MCTP2: variants seen among roughly 807,000 people sequenced by gnomAD.
MCTP2 encodes the protein multiple C2 and transmembrane domain-containing protein 2.
MCTP2 carries 132 observed loss-of-function variants against 111.6 expected under a neutral mutation model. The ratio of observed to expected loss-of-function variants is 1.18; its 90% CI spans 1.03 to 1.37. The LOEUF (loss-of-function observed/expected upper bound fraction) is 1.37. Among genes scored for constraint, MCTP2 ranks in the 40% most tolerant of loss-of-function variants. MCTP2 has a pLI of 0.00. For missense variants in MCTP2, 1,183 were observed against 1,067.9 expected (o/e 1.11, Z -1.50); for synonymous variants, 395 against 387.7 (o/e 1.02, Z -0.22).
At chr15:94,257,587 T>G (rs2072892060) in intron 1 of MCTP2, among the ~76,000 whole-genome samples, 1 of 101,306 alleles carries the variant, frequency 9.9e-6, no homozygotes, top group Non-Finnish European at 2.0e-5. Context: ...TTTTTTTTTT[T>G]TTTTTTTTTT....
intron 4 of MCTP2, among the ~76,000 whole-genome samples, chr15:94,321,551 A>C (rs1039652371): frequency 2.0e-5 from 3 of 152,266 alleles, no homozygotes; most frequent in African/African-American, 7.2e-5. Flanking sequence ...CTCCCAGTAC[A>C]GAACTCATTG....
At chr15:94,313,059 C>T (rs886987371) in intron 2 of MCTP2, among the ~76,000 whole-genome samples, 8 of 152,186 alleles carry the variant, frequency 5.3e-5, no homozygotes, top group African/African-American at 1.9e-4. Flanking sequence ...GGCTGCCTCT[C>T]ATCTCCAAAT....
At chr15:94,376,330 C>T (rs926172042) in intron 12 of MCTP2, among the ~76,000 whole-genome samples, 2 of 152,162 alleles carry the variant, frequency 1.3e-5, no homozygotes, top group African/African-American at 4.8e-5. Flanking sequence ...ATGATTTATT[C>T]ACTGAAGATA....
At chr15:94,291,071 T>C (rs1381907126) in intron 1 of MCTP2, among the ~76,000 whole-genome samples, 1 of 152,242 alleles carries the variant, frequency 6.6e-6, no homozygotes, top group African/African-American at 2.4e-5. Flanking sequence ...CATAGTAGCA[T>C]ATACAGTCTT....
chr15:94,403,278 T>G, intron 17 of MCTP2: 1 of 981,952 alleles, frequency 1.0e-6, no homozygotes, highest in Non-Finnish European at 1.2e-6. Flanking sequence ...CGTCATTGTC[T>G]CAGCATTTGT....
chr15:94,408,212 CA>C (rs1365130807), intron 17 of MCTP2, among the ~76,000 whole-genome samples: 1 of 152,102 alleles, frequency 6.6e-6, no homozygotes, highest in African/African-American at 2.4e-5. Context: ...CATCGCTGCC[CA>C]TTTGCTAGGT....
At chr15:94,332,461 A>G (rs1293892809) in intron 4 of MCTP2, among the ~76,000 whole-genome samples, 3 of 152,196 alleles carry the variant, frequency 2.0e-5, no homozygotes, top group Admixed American at 2.0e-4. Context: ...AATTTAAAAT[A>G]TATACGTTTT....
intron 2 of MCTP2, among the ~76,000 whole-genome samples, chr15:94,300,408 G>T (rs2075549013): frequency 6.6e-6 from 1 of 151,530 alleles, no homozygotes; most frequent in Non-Finnish European, 1.5e-5. Flanking sequence ...TACTTGGGAG[G>T]CTGAGGCAGG....
chr15:94,478,850 C>G (rs983116757), intron 22 of MCTP2, 116 bp from the exon 23 acceptor site: 2 of 775,198 alleles, frequency 2.6e-6, no homozygotes, highest in Non-Finnish European at 4.5e-6. Context: ...GAAAATGATT[C>G]ATTACCTTTG....
chr15:94,431,821 A>G (rs2083198588), intron 17 of MCTP2, among the ~76,000 whole-genome samples: 1 of 152,142 alleles, frequency 6.6e-6, no homozygotes, highest in African/African-American at 2.4e-5. Context: ...ATGATTTTTC[A>G]TAAAGATGGT....
In MCTP2 at chr15:94,390,074, A is replaced by ATATG. The variant is rs1555464859; in HGVS notation, c.1788+4552_1788+4553insGTAT. ...CATATATATATATATATATATATAT[A>ATATG]TATATATATATATATGTATATATAT... is the stretch of plus-strand genomic sequence containing the variant. On this transcript the variant is annotated intron_variant, in intron 14 of 22. Transcript: ENST00000357742. Among the ~76,000 whole-genome samples the ATATG allele has an allele frequency of 9.8e-3, 254 of 25,834 alleles. 5 individuals are homozygous for ATATG. The highest frequency in any genetic ancestry group is 0.036 in the Middle Eastern group (1 of 28). The allele number at this position is 25,834 out of a possible 152,430, so 16.9% of individuals were successfully genotyped here.
chr15:94,274,852 A>G (rs528180127), intron 1 of MCTP2, among the ~76,000 whole-genome samples: 4 of 152,254 alleles, frequency 2.6e-5, no homozygotes, highest in South Asian at 2.1e-4. Context: ...TTCCAACTCT[A>G]TGGTTTCTAC....
At chr15:94,473,653 T>C (rs1180772549) in intron 21 of MCTP2, among the ~76,000 whole-genome samples, 1 of 152,220 alleles carries the variant, frequency 6.6e-6, no homozygotes, top group African/African-American at 2.4e-5. Flanking sequence ...AGGGTAGATA[T>C]TAATTCTCTA....
chr15:94,357,113 T>A (rs993296515), intron 9 of MCTP2, among the ~76,000 whole-genome samples: 5 of 152,138 alleles, frequency 3.3e-5, no homozygotes, highest in African/African-American at 9.7e-5. Flanking sequence ...GCATCAAGGA[T>A]GCAGCAGATA....
Position 94,458,073 on chromosome 15 carries a change from T to C in MCTP2, c.2251-64T>C. ...CTTGTTATTATAACATGTTATAATA[T>C]TTTCTGTATCAGCATGATAAAAAAT... On this transcript the variant is annotated intron_variant, in intron 19 of 22. Coordinates refer to ENST00000357742, the MANE Select transcript of MCTP2 (RefSeq NM_001385001.1). 3 of 872,472 alleles carry C rather than the reference T, an allele frequency of 3.4e-6. No homozygotes were observed. The East Asian group carries it at 7.3e-5, about 21-fold the overall frequency. The allele number at this position is 872,472 out of a possible 1,614,324, so 54.0% of individuals were successfully genotyped here.
intron 18 of MCTP2, among the ~76,000 whole-genome samples, chr15:94,440,694 A>G (rs1402890867): frequency 3.9e-5 from 6 of 152,146 alleles, no homozygotes; most frequent in Non-Finnish European, 8.8e-5. Flanking sequence ...TGGCCTTTCC[A>G]TGAAGGCACC....
chr15:94,467,955 T>C (rs2073538469), intron 20 of MCTP2, among the ~76,000 whole-genome samples: 1 of 152,132 alleles, frequency 6.6e-6, no homozygotes, highest in South Asian at 2.1e-4. Context: ...GATTAATCAG[T>C]TGGTGGAGTC....
rs748435445 is a variant in MCTP2 at position 94,298,614 on chromosome 15, G to GAAACAGA, written c.350_356dup (p.Asp119GlufsTer13). 2.5e-6 allele frequency: 4 copies of GAAACAGA among 1,614,124 alleles called. No individual in the cohort carries two copies. The East Asian group carries it at 6.7e-5, about 27-fold the overall frequency. On this transcript the variant is annotated frameshift_variant, in exon 2 of 23. Transcript: ENST00000357742. LOFTEE classifies it high-confidence loss of function. ...AGAAGCCAGTCACCTCCATGTGGTG[G>GAAACAGA]AAACAGACTCAGAGGAGGCCTATGC...
intron 19 of MCTP2, 74 bp downstream of exon 19, chr15:94,443,034 G>A (rs1596727570): frequency 1.9e-6 from 2 of 1,069,266 alleles, no homozygotes; most frequent in African/African-American, 1.7e-5. Flanking sequence ...TTCAGGTTGA[G>A]TCTCTCTCCT....
Sources: gnomAD v4.1 joint callset for allele counts (sites outside exome capture counted in the v4.1 genomes callset) on GRCh38, gnomAD v4.1.1 for gene constraint, MANE v1.5 for transcripts, NCBI Gene and HGNC (gene_info 2026-07-23, HGNC 2026-07-21) for gene names.